Variants in DMD observed in about 807,000 individuals in gnomAD.
DMD encodes the protein mutant dystrophin.
Under a neutral mutation model 330.1 loss-of-function variants are expected in DMD, and 63 were observed. The ratio of observed to expected loss-of-function variants is 0.19; its 90% CI spans 0.16 to 0.24. The LOEUF is 0.24. Ranked by LOEUF, DMD falls within the 10% of genes least tolerant of loss-of-function variation. The pLI is 1.00. For synonymous variants in DMD, 1,223 were observed against 959.8 expected, an observed-to-expected ratio of 1.27 and a Z score of -5.07; for missense variants, 3,344 against 2,684.1, an observed-to-expected ratio of 1.25 and a Z score of -5.43.
intron 11 of DMD, among the ~76,000 whole-genome samples, chrX:32,620,397 C>A (rs2057904100): frequency 8.9e-6 from 1 of 111,901 alleles, no homozygotes; most frequent in African/African-American, 3.2e-5. Flanking sequence ...GAGCTTTCTT[C>A]CAATATGCAT....
At position 33,117,258 on chromosome X, in the gene DMD, G is replaced by T. The variant is rs190438098; in HGVS notation, c.31+94024C>A. 1.3e-4 allele frequency among the ~76,000 whole-genome samples: 15 copies of T among 111,146 alleles called. No homozygotes were observed. In the East Asian group the frequency reaches 4.2e-3, roughly 31 times the overall value. ...GCTGGTCGAAGGATAGAAACTCTCA[G>T]TTATAAGATGAGTAAGCTCTGGGGA... On this transcript the variant is annotated intron_variant, in intron 1 of 78. Coordinates refer to ENST00000357033, the MANE Select transcript of DMD (RefSeq NM_004006.3).
intron 62 of DMD, among the ~76,000 whole-genome samples, chrX:31,317,012 G>A (rs941117128): frequency 8.9e-6 from 1 of 112,178 alleles, no homozygotes; most frequent in African/African-American, 3.2e-5. Flanking sequence ...GATTGATGGT[G>A]CAATAAGAAT....
At chrX:31,672,080 A>G (rs1439965315) in intron 53 of DMD, among the ~76,000 whole-genome samples, 1 of 111,658 alleles carries the variant, frequency 9.0e-6, no homozygotes, top group African/African-American at 3.2e-5. Context: ...GCCTCCTCCC[A>G]TAAGTTTTGG....
intron 29 of DMD, among the ~76,000 whole-genome samples, chrX:32,432,996 C>G (rs184061332): frequency 8.9e-6 from 1 of 112,166 alleles, no homozygotes; most frequent in Non-Finnish European, 1.9e-5. Flanking sequence ...TTACAGACAT[C>G]TTTGAAAGGG....
At chrX:32,892,069 T>A (rs957334141) in intron 2 of DMD, among the ~76,000 whole-genome samples, 1 of 112,043 alleles carries the variant, frequency 8.9e-6, no homozygotes, top group Non-Finnish European at 1.9e-5. Flanking sequence ...AACTCCAAGT[T>A]ACTTCCTGAA....
At chrX:33,041,277 G>A in intron 1 of DMD, 2 of 684,389 alleles carry the variant, frequency 2.9e-6, no homozygotes, top group Non-Finnish European at 2.2e-6. Flanking sequence ...TCCTTAAGTG[G>A]CCGCGCAGCC....
At chrX:32,646,935 C>G (rs983175274) in intron 9 of DMD, among the ~76,000 whole-genome samples, 30 of 111,056 alleles carry the variant, frequency 2.7e-4, no homozygotes, top group African/African-American at 8.8e-4. Flanking sequence ...CCTTGTCTAA[C>G]AGTAAGGCAA....
At chrX:32,255,683 G>C (rs1223521896) in intron 43 of DMD, among the ~76,000 whole-genome samples, 5 of 112,331 alleles carry the variant, frequency 4.5e-5, no homozygotes, top group African/African-American at 1.3e-4. Context: ...AACAAGGAAA[G>C]TGCTGAATGC....
intron 17 of DMD, among the ~76,000 whole-genome samples, chrX:32,544,386 C>T (rs2148954655): frequency 8.9e-6 from 1 of 111,854 alleles, no homozygotes; most frequent in African/African-American, 3.2e-5. Flanking sequence ...CCATGAGTTT[C>T]TAAACATATG....
At chrX:31,359,780 C>T (rs984643725) in intron 60 of DMD, among the ~76,000 whole-genome samples, 35 of 111,870 alleles carry the variant, frequency 3.1e-4, no homozygotes, top group African/African-American at 1.1e-3. Flanking sequence ...GAGGAAAGTA[C>T]ACCATAGTGA....
Position 31,479,030 on chromosome X carries a change from G to T in DMD, c.8621C>A (p.Thr2874Lys). 1 of 1,209,326 alleles carries T rather than the reference G, an allele frequency of 8.3e-7. No individual in the cohort carries two copies. The highest frequency in any genetic ancestry group is 1.1e-6 in the Non-Finnish European group (1 of 893,619). The change falls in exon 58 of 79, where the codon ACA becomes AAA. Residue 2874 changes from threonine (T) to lysine (K), a missense_variant. By Grantham distance (78) the Thr-to-Lys change is moderately conservative. Transcript: ENST00000357033. ...CTCTAGTCCTTCCAAAGGCTGCTCT[G>T]TCAGAAATATTCGTACAGTCTCAAG... The part of the protein sequence containing the change: ...STLETVRIFL[T>K]EQPLEGLEKL...
chrX:31,889,643 TCTCTCA>T lies in DMD; in HGVS notation c.6913-14276_6913-14271del, dbSNP rs1218682020. 6.1e-3 allele frequency among the ~76,000 whole-genome samples: 421 copies of T among 68,609 alleles called. 2 individuals are homozygous for T. Among genetic ancestry groups the T allele is most frequent in the Admixed American group, 0.01 (59 of 5,658 alleles). The allele number at this position is 68,609 out of a possible 115,157, so 59.6% of individuals were successfully genotyped here. A position where few individuals can be genotyped will look rare whatever the true frequency, so the allele number is the denominator to read the frequency against. ...CTGTCTCTCTCTCTCTCTCTCTCTCTCTCTCACACACACACACACACACACACACAC... is the reference window on the plus strand; with the variant it reads ...CTGTCTCTCTCTCTCTCTCTCTCTCTCACACACACACACACACACACACAC... On this transcript the variant is annotated intron_variant, in intron 47 of 78. Coordinates refer to ENST00000357033, the MANE Select transcript of DMD (RefSeq NM_004006.3).
chrX:31,907,808 A>T (rs1391283819), intron 47 of DMD, among the ~76,000 whole-genome samples: 3 of 112,419 alleles, frequency 2.7e-5, no homozygotes, highest in African/African-American at 9.7e-5. Flanking sequence ...AAATTTTTGC[A>T]ATCTACCCAT....
chrX:33,138,410 A>C (rs1244166678), intron 1 of DMD, among the ~76,000 whole-genome samples: 1 of 111,990 alleles, frequency 8.9e-6, no homozygotes, highest in Non-Finnish European at 1.9e-5. Context: ...TTCTCACAGT[A>C]ACAGCATTCT....
At chrX:33,208,785 T>A in intron 1 of DMD, among the ~76,000 whole-genome samples, 1 of 110,882 alleles carries the variant, frequency 9.0e-6, no homozygotes, top group East Asian at 2.8e-4. Flanking sequence ...GATAAATCAT[T>A]TTTAATAAGT....
chrX:32,474,322 A>G (rs1488734861), intron 21 of DMD, among the ~76,000 whole-genome samples: 4 of 111,477 alleles, frequency 3.6e-5, no homozygotes, highest in African/African-American at 9.8e-5. Flanking sequence ...TGCTGCTATA[A>G]ACATGCATGT....
At chrX:31,242,262 C>CAAAAAAAAAAAAAAAAAA (rs72176984) in intron 63 of DMD, among the ~76,000 whole-genome samples, 1 of 24,643 alleles carries the variant, frequency 4.1e-5, no homozygotes, top group Non-Finnish European at 7.7e-5. Context: ...TCTCAAAAAG[C>CAAAAAAAAAAAAAAAAAA]AAAAAAAAAA....
At chrX:31,252,242 A>C (rs1485442028) in intron 63 of DMD, among the ~76,000 whole-genome samples, 1 of 112,221 alleles carries the variant, frequency 8.9e-6, no homozygotes, top group East Asian at 2.8e-4. Context: ...TAACAGCCTT[A>C]ATAACAAATT....
chrX:32,819,264 G>A (rs1188214058), intron 5 of DMD, among the ~76,000 whole-genome samples: 1 of 110,885 alleles, frequency 9.0e-6, no homozygotes, highest in Non-Finnish European at 1.9e-5. Flanking sequence ...TCAGCAGTGC[G>A]AACGTCATCA....
Sources: allele counts gnomAD v4.1 joint callset (sites outside exome capture counted in the v4.1 genomes callset), GRCh38; gene constraint gnomAD v4.1.1; transcripts MANE v1.5; gene names NCBI Gene and HGNC (gene_info 2026-07-23, HGNC 2026-07-21).